The following RBFOX2 variants were observed in gnomAD, a reference collection of about 807,000 sequenced individuals.
RBFOX2 encodes RNA binding fox-1 homolog 2, also known as RNA binding protein fox-1 homolog 2.
RBFOX2 carries 10 observed loss-of-function variants against 49.1 expected under a neutral mutation model. The observed-to-expected ratio is 0.20, with a 90% CI of 0.13 to 0.35. The LOEUF (loss-of-function observed/expected upper bound fraction) is 0.35, where lower values mean the gene tolerates loss of function less well. Ranked by LOEUF, RBFOX2 falls within the 10% of genes least tolerant of loss-of-function variation. The pLI is 1.00. For missense variants in RBFOX2, 323 were observed against 486.9 expected (o/e 0.66, Z 3.17); for synonymous variants, 183 against 187.4 (o/e 0.98, Z 0.19).
chr22:35,898,438 T>TC, intron 1 of RBFOX2: 14 of 459,628 alleles, frequency 3.0e-5, no homozygotes, highest in South Asian at 3.0e-4. Flanking sequence ...TTTTTTTTTT[T>TC]TTTCTGAGAC....
rs141429770 is a variant in RBFOX2, at chr22:35,785,788, T to C, written c.253-4042A>G. 2.0e-5 allele frequency among the ~76,000 whole-genome samples: 3 copies of C among 152,304 alleles called. No individual in the cohort carries two copies. The East Asian group carries it at 5.8e-4, about 29-fold the overall frequency. On this transcript the variant is annotated intron_variant, in intron 2 of 11. Transcript: ENST00000405409. ...TATGAAGCAATGTTCTGTGAAAGTG[T>C]ACGGTTTTCAATTATCAGTCTTGGC...
intron 1 of RBFOX2, among the ~76,000 whole-genome samples, chr22:35,828,099 T>C (rs2148609262): frequency 6.7e-6 from 1 of 149,580 alleles, no homozygotes. Flanking sequence ...AAACGGAGGT[T>C]GCAGTGAGCC....
At position 35,765,498 on chromosome 22, in the gene RBFOX2, G is replaced by A. The variant is rs1377480384; in HGVS notation, c.547-15C>T. 4 of 1,494,106 alleles carry A rather than the reference G, an allele frequency of 2.7e-6. No individual in the cohort carries two copies. The highest frequency in any genetic ancestry group is 3.7e-6 in the Non-Finnish European group (4 of 1,083,546). The allele number at this position is 1,494,106 out of a possible 1,614,324, so 92.6% of individuals were successfully genotyped here. A position where few individuals can be genotyped will look rare whatever the true frequency, so the allele number is the denominator to read the frequency against. ...GCATTATTCACCTAAAAATAACAAG[G>A]AGAAAAAAGGGCAGGGAAGAAGTGG... On this transcript the variant is annotated splice_polypyrimidine_tract_variant and intron_variant, in intron 5 of 11. Transcript: ENST00000405409.
intron 1 of RBFOX2, among the ~76,000 whole-genome samples, chr22:35,827,034 T>C (rs191087770): frequency 3.3e-4 from 51 of 152,312 alleles, no homozygotes; most frequent in Non-Finnish European, 6.2e-4. Context: ...CGAACAACAG[T>C]CAGGTGACCA....
chr22:35,740,328 C>T (rs145305954), exon 12 of RBFOX2: 1 of 152,378 alleles, frequency 6.6e-6, no homozygotes, highest in East Asian at 1.9e-4. Flanking sequence ...GTAACATTTC[C>T]AAAAAAATAT....
chr22:35,992,714 G>A (rs1307257957), intron 1 of RBFOX2: 5 of 152,046 alleles, frequency 3.3e-5, no homozygotes, highest in African/African-American at 4.8e-5. Flanking sequence ...TATCCAATAC[G>A]TCTTGCCTCT....
At position 35,764,457 on chromosome 22, in the gene RBFOX2, G is replaced by A. The variant is rs530344662; in HGVS notation, c.607+966C>T. On this transcript the variant is annotated intron_variant, in intron 6 of 11. Transcript: ENST00000405409. ...AAATTAGCCAGGTGTGGTGGCGGGC[G>A]CCTGTAGTCCCAGCTACTCGGGAGG... 4.6e-5 allele frequency among the ~76,000 whole-genome samples: 7 copies of A among 151,886 alleles called. No individual in the cohort carries two copies. The South Asian group carries it at 6.3e-4, about 14-fold the overall frequency.
intron 1 of RBFOX2, among the ~76,000 whole-genome samples, chr22:35,835,573 A>C (rs1957510428): frequency 1.3e-5 from 2 of 152,164 alleles, no homozygotes; most frequent in African/African-American, 4.8e-5. Context: ...TTCAATATGA[A>C]GATGTCTCCT....
intron 1 of RBFOX2, among the ~76,000 whole-genome samples, chr22:35,890,896 A>C (rs1247887416): frequency 6.6e-6 from 1 of 152,088 alleles, no homozygotes; most frequent in Non-Finnish European, 1.5e-5. Context: ...TTGCGTTTCC[A>C]GGTCTGCCAT....
intron 2 of RBFOX2, among the ~76,000 whole-genome samples, chr22:35,794,209 C>CT (rs77037337): frequency 2.2e-3 from 319 of 146,748 alleles, no homozygotes; most frequent in African/African-American, 6.2e-3. Context: ...CTATGGATGT[C>CT]TTTTTTTTTT....
intron 1 of RBFOX2, among the ~76,000 whole-genome samples, chr22:35,901,545 T>C (rs1381249457): frequency 6.6e-6 from 1 of 152,108 alleles, no homozygotes; most frequent in Non-Finnish European, 1.5e-5. Context: ...GGTGTACACA[T>C]ACTGTACTTG....
At chr22:35,938,525 A>T (rs2053352197) in intron 1 of RBFOX2, among the ~76,000 whole-genome samples, 1 of 152,180 alleles carries the variant, frequency 6.6e-6, no homozygotes, top group Non-Finnish European at 1.5e-5. Flanking sequence ...ATAAAGAGAC[A>T]AGTCCAGCAT....
chr22:35,989,628 T>C (rs1474470033), intron 1 of RBFOX2, among the ~76,000 whole-genome samples: 2 of 152,138 alleles, frequency 1.3e-5, no homozygotes, highest in Non-Finnish European at 2.9e-5. Context: ...TTTTATTTAT[T>C]TATTTTGTTT....
At chr22:35,879,708 T>G (rs1421594116) in intron 1 of RBFOX2, among the ~76,000 whole-genome samples, 4 of 152,216 alleles carry the variant, frequency 2.6e-5, no homozygotes, top group Non-Finnish European at 2.9e-5. Flanking sequence ...GTGGATTTTG[T>G]GCATGATCAG....
intron 1 of RBFOX2, among the ~76,000 whole-genome samples, chr22:35,976,345 T>C (rs919486700): frequency 6.6e-6 from 1 of 150,554 alleles, no homozygotes; most frequent in East Asian, 2.0e-4. Flanking sequence ...CACCCCCCCC[T>C]CTTAATTCTT....
At chr22:35,942,708 C>T (rs1439679870), upstream of RBFOX2, among the ~76,000 whole-genome samples, 2 of 146,216 alleles carry the variant, frequency 1.4e-5, no homozygotes, top group African/African-American at 5.1e-5. Context: ...GGCAGCACAG[C>T]GACATCCCAT....
At chr22:35,850,181 GTC>G (rs965007393) in intron 1 of RBFOX2, among the ~76,000 whole-genome samples, 1 of 86,598 alleles carries the variant, frequency 1.2e-5, no homozygotes, top group African/African-American at 4.6e-5. Context: ...CGCATTCTCT[GTC>G]TCTCTCTCAT....
chr22:35,846,889 C>A (rs1224558508), intron 1 of RBFOX2, among the ~76,000 whole-genome samples: 1 of 152,172 alleles, frequency 6.6e-6, no homozygotes, highest in Non-Finnish European at 1.5e-5. Flanking sequence ...TAATTTAAGA[C>A]CCTGTTTCCT....
At chr22:35,968,393 A>T (rs1170681265) in intron 1 of RBFOX2, among the ~76,000 whole-genome samples, 2 of 152,228 alleles carry the variant, frequency 1.3e-5, no homozygotes, top group Non-Finnish European at 2.9e-5. Flanking sequence ...AACGGGAGGG[A>T]AAAGAAGCAG....
Sources: gnomAD v4.1 joint callset for allele counts (sites outside exome capture counted in the v4.1 genomes callset) on GRCh38, gnomAD v4.1.1 for gene constraint, MANE v1.5 for transcripts, NCBI Gene and HGNC (gene_info 2026-07-23, HGNC 2026-07-21) for gene names.